Variants in PSME4 observed in about 807,000 individuals in gnomAD.
PSME4 encodes proteasome activator complex subunit 4.
Under a neutral mutation model 253.9 loss-of-function variants are expected in PSME4, and 89 were observed. That is an observed-to-expected ratio of 0.35 (90% CI 0.30 to 0.42). The LOEUF is 0.42. Ranked by LOEUF, PSME4 falls within the 10% of genes least tolerant of loss-of-function variation. The probability of loss-of-function intolerance (pLI) is 1.00; values close to 1 mark genes in which losing one functional copy is unlikely to be tolerated. For synonymous variants in PSME4, 851 were observed against 759.2 expected (o/e 1.12, Z -1.99); for missense variants, 2,014 against 2,195.2 (o/e 0.92, Z 1.65).
At chr2:53,875,828 G>C (rs1215516844) in intron 41 of PSME4, 73 bp from the exon 42 acceptor site, 1 of 1,360,060 alleles carries the variant, frequency 7.4e-7, no homozygotes, top group African/African-American at 1.5e-5. Flanking sequence ...CTACATGAGA[G>C]ACAACACATC....
chr2:53,874,733 TC>T (rs911813672), intron 42 of PSME4, among the ~76,000 whole-genome samples: 2 of 152,138 alleles, frequency 1.3e-5, no homozygotes, highest in Non-Finnish European at 2.9e-5. Context: ...TCACCTGAGG[TC>T]AGGAGTTTGA....
Position 53,919,969 on chromosome 2 carries a change from T to TA in PSME4, c.2420+223dup, listed in dbSNP as rs567490310. Among the ~76,000 whole-genome samples, 25 of 151,912 alleles carry TA rather than the reference T, an allele frequency of 1.6e-4. No homozygotes were observed. In the East Asian group the frequency reaches 3.9e-3, roughly 23 times the overall value. ...AGTGAAATTGCTAAGTAGAAGGTAA[T>TA]AAAAAAAATTAGAAAAAGAAACCCA... On this transcript the variant is annotated intron_variant, in intron 19 of 46. Transcript: ENST00000404125.
intron 28 of PSME4, among the ~76,000 whole-genome samples, chr2:53,900,345 G>C (rs1257183195): frequency 1.3e-5 from 2 of 151,766 alleles, no homozygotes; most frequent in African/African-American, 2.4e-5. Flanking sequence ...GACTGCTTGA[G>C]GCCATGAGTT....
intron 13 of PSME4, 79 bp from the exon 14 acceptor site, chr2:53,925,768 A>C: frequency 7.2e-7 from 1 of 1,398,488 alleles, no homozygotes; most frequent in Non-Finnish European, 9.9e-7. Context: ...GTAACTCTCT[A>C]TTGTCCTAAT....
chr2:53,875,919 T>A (rs2104413974), intron 41 of PSME4, among the ~76,000 whole-genome samples, 164 bp from the exon 42 acceptor site: 1 of 152,240 alleles, frequency 6.6e-6, no homozygotes, highest in South Asian at 2.1e-4. Context: ...GCCAATCACC[T>A]CTTCAATAAT....
intron 4 of PSME4, among the ~76,000 whole-genome samples, chr2:53,938,015 T>C (rs1669203359): frequency 1.3e-5 from 2 of 151,874 alleles, no homozygotes; most frequent in South Asian, 4.2e-4. Flanking sequence ...AAATTCCCCA[T>C]CATACTTGGG....
At chr2:53,898,077 A>C in intron 30 of PSME4, 78 bp from the exon 31 acceptor site, 1 of 1,471,164 alleles carries the variant, frequency 6.8e-7, no homozygotes, top group Non-Finnish European at 9.3e-7. Flanking sequence ...GAAACACCTT[A>C]TAATTTTAAA....
chr2:53,962,680 C>G (rs1670542628), intron 1 of PSME4, among the ~76,000 whole-genome samples: 1 of 152,148 alleles, frequency 6.6e-6, no homozygotes, highest in South Asian at 2.1e-4. Flanking sequence ...AAGTTACCAC[C>G]TGGCCTAGTC....
chr2:53,919,315 C>A, intron 19 of PSME4, 69 bp from the exon 20 acceptor site: 1 of 1,470,380 alleles, frequency 6.8e-7, no homozygotes, highest in Non-Finnish European at 9.0e-7. Flanking sequence ...GAGCCTAGCA[C>A]AGAAGTTTTC....
At position 53,964,871 on chromosome 2, in the gene PSME4, C is replaced by G. The variant is rs912485412; in HGVS notation, c.242+5672G>C. On this transcript the variant is annotated intron_variant, in intron 1 of 46. Transcript: ENST00000404125. Reference sequence around the variant, plus strand: ...GGTTTCAACTGGGATAATCAATCCACGAAGGCTGCATAATATTTGTAATAA... The same window carrying G: ...GGTTTCAACTGGGATAATCAATCCAGGAAGGCTGCATAATATTTGTAATAA... Among the ~76,000 whole-genome samples the G allele has an allele frequency of 4.6e-5, 7 of 152,278 alleles. No homozygotes were observed. The South Asian group carries it at 8.3e-4, about 18-fold the overall frequency.
chr2:53,920,941 C>T lies in PSME4; in HGVS notation c.2210G>A (p.Cys737Tyr), dbSNP rs570862237. Residue 737 changes from cysteine (C) to tyrosine (Y), a missense_variant, in exon 18 of 47, where the codon TGC becomes TAC. Physicochemically the swap from Cys to Tyr is radical, Grantham distance 194 (BLOSUM62 -2). This residue lies in a region of PSME4 where 989 missense variants were observed against 1,021.1 expected (regional missense o/e 0.97). Coordinates refer to ENST00000404125, the MANE Select transcript of PSME4 (RefSeq NM_014614.3). ...STTLIYPTEY[C>Y]SVPGGFDKPP... ...CTTGTCAAAGCCACCTGGCACACTG[C>T]AGTATTCTGTAGGGTAGATAAGTGT... is the stretch of plus-strand genomic sequence containing the variant. The T allele has an allele frequency of 6.2e-7, 1 of 1,613,882 alleles. No homozygotes were observed. Among genetic ancestry groups the T allele is most frequent in the Admixed American group, 1.7e-5 (1 of 60,016 alleles).
In PSME4 at chr2:53,920,258, G is replaced by T; in HGVS notation, c.2355C>A (p.Asp785Glu). The change falls in exon 19 of 47, where the codon GAC (aspartate) becomes GAA (glutamate). Residue 785 changes from aspartate to glutamate, a missense_variant. By Grantham distance (45) the Asp-to-Glu change is conservative. Coordinates refer to ENST00000404125, the MANE Select transcript of PSME4 (RefSeq NM_014614.3). Reference protein sequence around the residue: ...EEVSFAFYLLDSFLQPELVKL... With the variant: ...EEVSFAFYLLESFLQPELVKL... ...TGACGAGCTCAGGCTGAAGAAAGGA[G>T]TCCAAAAGATAAAAGGCAAAAGACA... The T allele has an allele frequency of 6.2e-7, 1 of 1,613,698 alleles. No individual in the cohort carries two copies. The highest frequency in any genetic ancestry group is 8.5e-7 in the Non-Finnish European group (1 of 1,179,760).
chr2:53,937,549 A>C lies in PSME4; in HGVS notation c.546-9T>G. On this transcript the variant is annotated splice_polypyrimidine_tract_variant and intron_variant, in intron 4 of 46. Coordinates refer to ENST00000404125, the MANE Select transcript of PSME4 (RefSeq NM_014614.3). The stretch of plus-strand genomic sequence containing the variant: ...CATCTGCTGGAAAATATCTAATAAA[A>C]AAAGAAGGTTTTCATGTATCTGATT... 4 of 1,608,418 alleles carry C rather than the reference A, an allele frequency of 2.5e-6. No homozygotes were observed. The African/African-American group carries it at 4.0e-5, about 16-fold the overall frequency.
chr2:53,874,558 G>T, intron 42 of PSME4, 64 bp from the exon 43 acceptor site: 1 of 1,421,078 alleles, frequency 7.0e-7, no homozygotes, highest in Non-Finnish European at 9.8e-7. Context: ...ATGACAGATA[G>T]TGACATTACA....
At position 53,970,976 on chromosome 2, in the gene PSME4, G is replaced by A. The variant is rs1222857284; in HGVS notation, c.-192C>T. The stretch of plus-strand genomic sequence containing the variant: ...CCCACGCGGCTCTCAGTTCGTTGGC[G>A]GCGGCAGCGGCCGCTCTGCCCGCCC... On this transcript the variant is annotated 5_prime_UTR_variant, in exon 1 of 47. Transcript: ENST00000404125. 4 of 472,554 alleles carry A rather than the reference G, an allele frequency of 8.5e-6. No individual in the cohort carries two copies. The highest frequency in any genetic ancestry group is 1.1e-5 in the Non-Finnish European group (3 of 276,904). 29.3% of individuals were successfully genotyped at this position (472,554 alleles called of 1,614,324 possible).
intron 10 of PSME4, among the ~76,000 whole-genome samples, chr2:53,929,736 G>A (rs1668735058): frequency 6.6e-6 from 1 of 151,636 alleles, no homozygotes; most frequent in African/African-American, 2.4e-5. Context: ...TAAAATCTTT[G>A]GCCAGCCATG....
At chr2:53,909,293 A>C (rs138650774) in intron 21 of PSME4, among the ~76,000 whole-genome samples, 1 of 152,300 alleles carries the variant, frequency 6.6e-6, no homozygotes, top group Non-Finnish European at 1.5e-5. Flanking sequence ...TAATCCAGCG[A>C]TGAGAAAGGG....
intron 6 of PSME4, 71 bp from the exon 7 acceptor site, chr2:53,936,232 C>T: frequency 6.3e-7 from 1 of 1,585,454 alleles, no homozygotes; most frequent in Non-Finnish European, 8.6e-7. Flanking sequence ...TCACACCCCT[C>T]CTCCATTTGT....
chr2:53,947,933 T>C (rs1000317943), intron 3 of PSME4, among the ~76,000 whole-genome samples: 1 of 142,462 alleles, frequency 7.0e-6, no homozygotes, highest in Admixed American at 7.1e-5. Flanking sequence ...CGCGAATCAC[T>C]TGAACCCGGG....
Sources: allele counts gnomAD v4.1 joint callset (sites outside exome capture counted in the v4.1 genomes callset), GRCh38; gene constraint gnomAD v4.1.1; regional missense constraint gnomAD v4.1.1; transcripts MANE v1.5; gene names NCBI Gene and HGNC (gene_info 2026-07-23, HGNC 2026-07-21).